Variants in KIF1B observed in about 807,000 individuals in gnomAD.
The protein encoded by KIF1B is kinesin family member 1B.
A neutral mutation model predicts 241.9 loss-of-function variants in KIF1B; 76 were observed. That is an observed-to-expected ratio of 0.31 (90% CI 0.26 to 0.38). The LOEUF is 0.38. Among genes scored for constraint, KIF1B ranks in the 10% least tolerant of loss-of-function variants. The pLI is 1.00. For missense variants in KIF1B, 1,622 were observed against 2,271.4 expected, an observed-to-expected ratio of 0.71 and a Z score of 5.81; for synonymous variants, 750 against 796.7, an observed-to-expected ratio of 0.94 and a Z score of 0.99.
intron 1 of KIF1B, chr1:10,227,581 A>G (rs1646926318): frequency 6.6e-6 from 1 of 152,036 alleles, no homozygotes; most frequent in African/African-American, 2.4e-5. Flanking sequence ...AAGAATACTT[A>G]ATAAGCTGTG....
intron 22 of KIF1B, among the ~76,000 whole-genome samples, chr1:10,297,716 T>TA (rs1211742176): frequency 6.6e-6 from 1 of 152,150 alleles, no homozygotes; most frequent in East Asian, 1.9e-4. Context: ...TTTTTTAAGT[T>TA]AAACTGTGTC....
chr1:10,296,197 A>G (rs1003535602), intron 19 of KIF1B, among the ~76,000 whole-genome samples: 1 of 152,220 alleles, frequency 6.6e-6, no homozygotes, highest in Non-Finnish European at 1.5e-5. Flanking sequence ...TTTCTGTTAT[A>G]TAAGTCACTC....
chr1:10,216,548 G>A (rs1021674410), intron 1 of KIF1B, among the ~76,000 whole-genome samples: 6 of 152,072 alleles, frequency 3.9e-5, no homozygotes, highest in Admixed American at 6.6e-5. Flanking sequence ...TTCTTACTCC[G>A]TGTCATGGAG....
At chr1:10,320,207 G>C in intron 23 of KIF1B, 71 bp downstream of exon 23, 1 of 1,047,104 alleles carries the variant, frequency 9.6e-7, no homozygotes, top group African/African-American at 1.6e-5. Context: ...AGTCATTTAT[G>C]CATAATCAAA....
intron 1 of KIF1B, among the ~76,000 whole-genome samples, chr1:10,215,396 G>C (rs866230241): frequency 1.5e-4 from 22 of 151,040 alleles, no homozygotes; most frequent in African/African-American, 5.1e-4. Context: ...GGCTGGTCTC[G>C]AACTCCCGAC....
chr1:10,218,705 G>A (rs1176964474), intron 1 of KIF1B, among the ~76,000 whole-genome samples: 2 of 152,208 alleles, frequency 1.3e-5, no homozygotes, highest in Non-Finnish European at 2.9e-5. Flanking sequence ...ATACGCGTGA[G>A]CCACGATGCC....
intron 38 of KIF1B, among the ~76,000 whole-genome samples, chr1:10,360,351 T>G (rs1007060510): frequency 1.3e-5 from 2 of 152,140 alleles, no homozygotes; most frequent in African/African-American, 4.8e-5. Flanking sequence ...ACTATTTTTA[T>G]GTTTATAGGC....
chr1:10,357,077 G>A (rs1341264397), intron 38 of KIF1B, among the ~76,000 whole-genome samples: 1 of 152,060 alleles, frequency 6.6e-6, no homozygotes, highest in African/African-American at 2.4e-5. Flanking sequence ...ACAGGGTCTC[G>A]CTATATTGCC....
intron 2 of KIF1B, among the ~76,000 whole-genome samples, chr1:10,245,453 T>C (rs1647196986): frequency 6.6e-6 from 1 of 152,156 alleles, no homozygotes. Flanking sequence ...TTATGGAAAT[T>C]ATAGTGTCCT....
chr1:10,307,921 A>G, intron 22 of KIF1B: 1 of 1,051,794 alleles, frequency 9.5e-7, no homozygotes, highest in East Asian at 5.4e-5. Context: ...CTTCTAGCCC[A>G]GTGAATTATT....
At chr1:10,364,878 C>T (rs1176466994) in intron 41 of KIF1B, among the ~76,000 whole-genome samples, 2 of 151,640 alleles carry the variant, frequency 1.3e-5, no homozygotes, top group African/African-American at 2.4e-5. Flanking sequence ...TGGTGGCGGG[C>T]ACCTGTAGTC....
intron 2 of KIF1B, among the ~76,000 whole-genome samples, chr1:10,240,720 C>CTT (rs771359959): frequency 1.6e-3 from 164 of 103,708 alleles, no homozygotes; most frequent in East Asian, 5.9e-3. Flanking sequence ...ATGGGTAGTT[C>CTT]ATTTTTTTTT....
intron 32 of KIF1B, among the ~76,000 whole-genome samples, chr1:10,340,716 C>T (rs1458753681): frequency 6.6e-6 from 1 of 152,058 alleles, no homozygotes; most frequent in Non-Finnish European, 1.5e-5. Flanking sequence ...GGGGGGGTTG[C>T]AGTGAGTTGA....
intron 27 of KIF1B, among the ~76,000 whole-genome samples, chr1:10,330,936 G>A: frequency 6.6e-6 from 1 of 152,172 alleles, no homozygotes; most frequent in Non-Finnish European, 1.5e-5. Context: ...ATGAGAAAGT[G>A]GTGTTTGAAA....
intron 45 of KIF1B, among the ~76,000 whole-genome samples, chr1:10,371,488 C>T (rs563232749): frequency 3.3e-5 from 5 of 152,344 alleles, no homozygotes; most frequent in Non-Finnish European, 7.3e-5. Context: ...CTCATCATGA[C>T]TGTCTTCTTC....
At chr1:10,306,950 G>A (rs1650861690) in intron 22 of KIF1B, 1 of 1,042,734 alleles carries the variant, frequency 9.6e-7, no homozygotes, top group African/African-American at 1.7e-5. Flanking sequence ...TAATACTGTA[G>A]AATGAAGAGT....
At position 10,379,738 on chromosome 1, in the gene KIF1B, C is replaced by T. The variant is rs1048874865; in HGVS notation, c.*3151C>T. On this transcript the variant is annotated 3_prime_UTR_variant, in exon 49 of 49. Coordinates refer to ENST00000676179, the MANE Select transcript of KIF1B (RefSeq NM_001365951.3). The stretch of plus-strand genomic sequence containing the variant: ...TCCTCTGTCTCTCATCCTCCTTTCT[C>T]CCATCAAAGCAAAATATGGCCTCAC... 1.3e-5 allele frequency: 3 copies of T among 230,904 alleles called. No homozygotes were observed. The highest frequency in any genetic ancestry group is 2.2e-5 in the African/African-American group (1 of 45,208). The allele number at this position is 230,904 out of a possible 1,614,324, so 14.3% of individuals were successfully genotyped here.
At position 10,303,181 on chromosome 1, in the gene KIF1B, G is replaced by A. The variant is rs773741975; in HGVS notation, c.2115+5935G>A. Reference sequence around the variant, plus strand: ...TCCAAAGGACGCGGATTCTGATAGCGGGGACGATTCTGACAAGAGGTCGTG... The same window carrying A: ...TCCAAAGGACGCGGATTCTGATAGCAGGGACGATTCTGACAAGAGGTCGTG... On this transcript the variant is annotated intron_variant, in intron 22 of 48. Coordinates refer to ENST00000676179, the MANE Select transcript of KIF1B (RefSeq NM_001365951.3). This position sits in a 1 kb window ranked among gnomAD's most constrained non-coding sequence, Gnocchi z 5.2. 4 of 1,613,166 alleles carry A rather than the reference G, an allele frequency of 2.5e-6. No individual in the cohort carries two copies. Among genetic ancestry groups the A allele is most frequent in the South Asian group, 1.1e-5 (1 of 90,878 alleles).
chr1:10,216,363 C>G (rs541279915), intron 1 of KIF1B, among the ~76,000 whole-genome samples: 3 of 152,308 alleles, frequency 2.0e-5, no homozygotes, highest in African/African-American at 4.8e-5. Flanking sequence ...TGTGTGTTCT[C>G]CCACTCTAAG....
Sources: gnomAD v4.1 joint callset for allele counts (sites outside exome capture counted in the v4.1 genomes callset) on GRCh38, gnomAD v4.1.1 for gene constraint, Gnocchi (gnomAD v3.1) non-coding constraint, MANE v1.5 for transcripts, NCBI Gene and HGNC (gene_info 2026-07-23, HGNC 2026-07-21) for gene names.